MEOX2: variants seen among roughly 807,000 people sequenced by gnomAD.
MEOX2 encodes homeobox protein MOX-2.
MEOX2 carries 11 observed loss-of-function variants against 27.0 expected under a neutral mutation model. That is an observed-to-expected ratio of 0.41 (90% CI 0.26 to 0.68). The LOEUF is 0.68. Ranked by LOEUF, MEOX2 falls within the 30% of genes least tolerant of loss-of-function variation. The probability of loss-of-function intolerance (pLI) is 0.33; values close to 1 mark genes in which losing one functional copy is unlikely to be tolerated. For synonymous variants in MEOX2, 189 were observed against 155.4 expected, an observed-to-expected ratio of 1.22 and a Z score of -1.61; for missense variants, 436 against 385.4, an observed-to-expected ratio of 1.13 and a Z score of -1.10.
At chr7:15,665,656 A>T (rs1032427075) in intron 1 of MEOX2, among the ~76,000 whole-genome samples, 3 of 152,212 alleles carry the variant, frequency 2.0e-5, no homozygotes, top group Admixed American at 6.5e-5. Flanking sequence ...AATAAGAATT[A>T]CATCCCTTTT....
intron 1 of MEOX2, among the ~76,000 whole-genome samples, chr7:15,651,903 G>C (rs967405371): frequency 1.3e-5 from 2 of 151,884 alleles, no homozygotes; most frequent in Non-Finnish European, 2.9e-5. Flanking sequence ...AGACTGACAT[G>C]ATTACTTAGT....
chr7:15,686,597 G>C lies in MEOX2; in HGVS notation c.-195C>G, dbSNP rs74773173. On this transcript the variant is annotated 5_prime_UTR_variant, in exon 1 of 3. Transcript: ENST00000262041. ...AGTCTCCTTTACATATGAACAGTCG[G>C]ACCTGGAAGAGCTTCCCTGAGCTAC... 4,842 of 600,380 alleles carry C rather than the reference G, an allele frequency of 8.1e-3. 24 individuals carry two copies. Among genetic ancestry groups the C allele is most frequent in the Middle Eastern group, 0.011 (40 of 3,518 alleles). 37.2% of individuals were successfully genotyped at this position (600,380 alleles called of 1,614,324 possible). A position where few individuals can be genotyped will look rare whatever the true frequency, so the allele number is the denominator to read the frequency against.
At chr7:15,657,077 A>C (rs1781833671) in intron 1 of MEOX2, among the ~76,000 whole-genome samples, 1 of 152,150 alleles carries the variant, frequency 6.6e-6, no homozygotes, top group Admixed American at 6.5e-5. Context: ...ATTGCTCTTC[A>C]TTGGTATTGT....
At chr7:15,646,646 C>T (rs1466034172) in intron 1 of MEOX2, among the ~76,000 whole-genome samples, 11 of 151,938 alleles carry the variant, frequency 7.2e-5, no homozygotes, top group African/African-American at 2.4e-4. Context: ...CTTCAAGGAA[C>T]ATAAGAAGGT....
chr7:15,686,341 G>C lies in MEOX2; in HGVS notation c.62C>G (p.Pro21Arg), dbSNP rs377671894. The change falls in exon 1 of 3, where the codon CCG becomes CGG. Residue 21 changes from proline to arginine, a missense_variant. Transcript: ENST00000262041. ...SPHATAQGLH[P>R]FSQSSLALHG... ...GAGGGCGAGAGAGGATTGGGAGAAC[G>C]GGTGCAAGCCTTGCGCCGTGGCGTG... 3 of 1,600,266 alleles carry C rather than the reference G, an allele frequency of 1.9e-6. No individual in the cohort carries two copies. Among genetic ancestry groups the C allele is most frequent in the Non-Finnish European group, 1.7e-6 (2 of 1,172,884 alleles).
At position 15,686,615 on chromosome 7, in the gene MEOX2, T is replaced by C. The variant is rs1782392853; in HGVS notation, c.-213A>G. On this transcript the variant is annotated 5_prime_UTR_variant, in exon 1 of 3. Transcript: ENST00000262041. Reference sequence around the variant, plus strand: ...ACAGTCGGACCTGGAAGAGCTTCCCTGAGCTACTCAGATGTCAAGAGTGGG... The same window carrying C: ...ACAGTCGGACCTGGAAGAGCTTCCCCGAGCTACTCAGATGTCAAGAGTGGG... The C allele has an allele frequency of 6.9e-6, 4 of 582,960 alleles. No homozygotes were observed. Among genetic ancestry groups the C allele is most frequent in the Middle Eastern group, 3.2e-4 (1 of 3,128 alleles). 36.1% of individuals were successfully genotyped at this position (582,960 alleles called of 1,614,324 possible). A position where few individuals can be genotyped will look rare whatever the true frequency, so the allele number is the denominator to read the frequency against.
Position 15,685,938 on chromosome 7 carries a change from T to G in MEOX2, c.465A>C (p.Ser155=). The change falls in exon 1 of 3, where the codon TCA becomes TCC. Residue 155 remains serine, a synonymous_variant. Coordinates refer to ENST00000262041, the MANE Select transcript of MEOX2 (RefSeq NM_005924.5). ...CGCTTCGCTTCTCCGCCTCCGCAGGTGACAGTGCCTGGCGGCCGTAGTCCC... is the reference window on the plus strand; with the variant it reads ...CGCTTCGCTTCTCCGCCTCCGCAGGGGACAGTGCCTGGCGGCCGTAGTCCC... ...APGDYGRQAL[S]PAEAEKRSGG... 1 of 1,611,504 alleles carries G rather than the reference T, an allele frequency of 6.2e-7. No individual in the cohort carries two copies.
intron 1 of MEOX2, among the ~76,000 whole-genome samples, chr7:15,661,044 GAA>G (rs1781908225): frequency 4.0e-5 from 5 of 123,910 alleles, no homozygotes; most frequent in East Asian, 2.6e-4. Context: ...AAAAAAAAGA[GAA>G]AGAGAGAGAA....
chr7:15,665,304 T>C (rs1781984234), intron 1 of MEOX2, among the ~76,000 whole-genome samples: 1 of 152,120 alleles, frequency 6.6e-6, no homozygotes, highest in Non-Finnish European at 1.5e-5. Context: ...AAAAGCACCT[T>C]AATCAATCAG....
intron 1 of MEOX2, among the ~76,000 whole-genome samples, chr7:15,682,134 GT>G (rs544518951): frequency 0.014 from 2,164 of 151,026 alleles, 45 homozygotes; most frequent in African/African-American, 0.05. Flanking sequence ...AAGAATGGAA[GT>G]TTTTTTTTGT....
chr7:15,614,745 ATTC>A (rs1781096242), intron 2 of MEOX2, among the ~76,000 whole-genome samples: 1 of 152,098 alleles, frequency 6.6e-6, no homozygotes, highest in South Asian at 2.1e-4. Flanking sequence ...GTTCTGTTTC[ATTC>A]TTCTACGTTA....
chr7:15,676,264 GAA>G (rs991657954), intron 1 of MEOX2: 2 of 152,102 alleles, frequency 1.3e-5, no homozygotes, highest in Non-Finnish European at 2.9e-5. Flanking sequence ...TTTGTAAAAA[GAA>G]ATTATATCAC....
intron 1 of MEOX2, chr7:15,681,444 T>G (rs181535010): frequency 2.0e-5 from 3 of 151,670 alleles, no homozygotes; most frequent in African/African-American, 7.2e-5. Flanking sequence ...AATTCAGCTA[T>G]TAATTCATCT....
chr7:15,664,710 A>G (rs1583780955), intron 1 of MEOX2, among the ~76,000 whole-genome samples: 1 of 152,176 alleles, frequency 6.6e-6, no homozygotes, highest in Non-Finnish European at 1.5e-5. Context: ...TGTTCCCACA[A>G]ATCAGTCTTT....
chr7:15,667,004 A>G (rs1368980393), intron 1 of MEOX2, among the ~76,000 whole-genome samples: 1 of 150,812 alleles, frequency 6.6e-6, no homozygotes, highest in Non-Finnish European at 1.5e-5. Context: ...TAGAAGTAGG[A>G]AATAAGGCTG....
chr7:15,678,639 G>T lies in MEOX2; in HGVS notation c.517+7247C>A, dbSNP rs547524642. Among the ~76,000 whole-genome samples, 12 of 152,316 alleles carry T rather than the reference G, an allele frequency of 7.9e-5. No homozygotes were observed. In the East Asian group the frequency reaches 1.2e-3, roughly 15 times the overall value. On this transcript the variant is annotated intron_variant, in intron 1 of 2. Coordinates refer to ENST00000262041, the MANE Select transcript of MEOX2 (RefSeq NM_005924.5). ...ACTGTGCAGTCCAGACAGTGGACAA[G>T]CTACCTCAACAGACTCTGAATATAT...
chr7:15,677,993 A>G (rs1782229059), intron 1 of MEOX2, among the ~76,000 whole-genome samples: 1 of 152,180 alleles, frequency 6.6e-6, no homozygotes, highest in Non-Finnish European at 1.5e-5. Context: ...AGGAAAAATT[A>G]TTTATAATTC....
intron 1 of MEOX2, among the ~76,000 whole-genome samples, chr7:15,660,599 G>A (rs1424036180): frequency 6.6e-6 from 1 of 152,086 alleles, no homozygotes; most frequent in African/African-American, 2.4e-5. Context: ...TGTCTCTAGA[G>A]ATTACCAAAC....
chr7:15,650,103 T>A (rs554285679), intron 1 of MEOX2, among the ~76,000 whole-genome samples: 1 of 152,168 alleles, frequency 6.6e-6, no homozygotes, highest in East Asian at 1.9e-4. Context: ...CTCTTCTAAT[T>A]GCCTACTGGG....
Sources: gnomAD v4.1 joint callset for allele counts (sites outside exome capture counted in the v4.1 genomes callset) on GRCh38, gnomAD v4.1.1 for gene constraint, MANE v1.5 for transcripts, NCBI Gene and HGNC (gene_info 2026-07-23, HGNC 2026-07-21) for gene names.